Variants in TNR observed in about 807,000 individuals in gnomAD.
TNR encodes the protein tenascin R.
In TNR, 45 loss-of-function variants were observed where a neutral mutation model predicts 150.4. The observed-to-expected ratio is 0.30, with a 90% CI of 0.24 to 0.38. The LOEUF (loss-of-function observed/expected upper bound fraction) is 0.38, where lower values mean the gene tolerates loss of function less well. TNR is among the 10% of genes least tolerant of loss of function. The pLI is 1.00. For synonymous variants in TNR, 687 were observed against 678.4 expected, an observed-to-expected ratio of 1.01 and a Z score of -0.20; for missense variants, 1,544 against 1,759.1, an observed-to-expected ratio of 0.88 and a Z score of 2.19.
At chr1:175,428,764 C>T (rs957250831) in intron 2 of TNR, among the ~76,000 whole-genome samples, 4 of 152,254 alleles carry the variant, frequency 2.6e-5, no homozygotes, top group South Asian at 2.1e-4. Flanking sequence ...CTGTGCTGCA[C>T]GATTCTCATT....
At chr1:175,681,166 A>C (rs1381473210) in intron 1 of TNR, among the ~76,000 whole-genome samples, 1 of 152,196 alleles carries the variant, frequency 6.6e-6, no homozygotes, top group African/African-American at 2.4e-5. Flanking sequence ...TTTATTTACA[A>C]GTCTATTAAT....
At chr1:175,737,150 G>A (rs765303716) in intron 1 of TNR, among the ~76,000 whole-genome samples, 9 of 152,314 alleles carry the variant, frequency 5.9e-5, no homozygotes, top group Admixed American at 1.3e-4. Flanking sequence ...GGGCAAGCAC[G>A]TTAGCCTCTC....
In TNR at chr1:175,406,648, C is replaced by T; in HGVS notation, c.67G>A (p.Gly23Ser). The change falls in exon 3 of 23, where the codon GGC (glycine) becomes AGC (serine). Residue 23 changes from glycine to serine, a missense_variant. Gly to Ser is a moderately conservative substitution (Grantham distance 56). Coordinates refer to ENST00000367674, the MANE Select transcript of TNR (RefSeq NM_003285.3). Reference sequence around the variant, plus strand: ...CACTCTGAAGGCTTGATCATGGAGCCCAGAAGGATCAGGTTGATGCCAATG... The same window carrying T: ...CACTCTGAAGGCTTGATCATGGAGCTCAGAAGGATCAGGTTGATGCCAATG... Reference protein sequence around the residue: ...MLIGINLILLGSMIKPSECQL... With the variant: ...MLIGINLILLSSMIKPSECQL... 1 of 1,614,208 alleles carries T rather than the reference C, an allele frequency of 6.2e-7. No homozygotes were observed. Among genetic ancestry groups the T allele is most frequent in the Admixed American group, 1.7e-5 (1 of 60,024 alleles).
intron 2 of TNR, among the ~76,000 whole-genome samples, chr1:175,461,835 C>A (rs1656832357): frequency 6.6e-6 from 1 of 152,040 alleles, no homozygotes; most frequent in Non-Finnish European, 1.5e-5. Context: ...TTGTCCTTGC[C>A]TTTGCTTTTT....
rs1399230280 is a variant in TNR, at chr1:175,316,835, GT to G, written c.*6521del. The G allele has an allele frequency of 6.6e-6, 1 of 152,162 alleles. No homozygotes were observed. Among genetic ancestry groups the G allele is most frequent in the South Asian group, 2.1e-4 (1 of 4,828 alleles). 9.4% of individuals were successfully genotyped at this position (152,162 alleles called of 1,614,324 possible). On this transcript the variant is annotated 3_prime_UTR_variant, in exon 23 of 23. Transcript: ENST00000367674. ...ATTCCCCATGATGATGAGATTGAGG[GT>G]CCCCTGGAGTACATGGCAAAAATAA...
chr1:175,513,068 G>T (rs191067459), intron 2 of TNR, among the ~76,000 whole-genome samples: 145 of 152,304 alleles, frequency 9.5e-4, no homozygotes, highest in African/African-American at 3.3e-3. Flanking sequence ...AAGGGTCCAG[G>T]AAACCACATT....
chr1:175,327,095 C>A (rs896344677), intron 21 of TNR, among the ~76,000 whole-genome samples: 1 of 152,038 alleles, frequency 6.6e-6, no homozygotes, highest in Non-Finnish European at 1.5e-5. Context: ...CTTGATTATG[C>A]GGTCTCCACC....
intron 3 of TNR, 136 bp downstream of exon 3, chr1:175,406,076 TGACC>T: frequency 1.7e-6 from 2 of 1,157,272 alleles, no homozygotes; most frequent in Admixed American, 2.7e-5. Flanking sequence ...TTTTTTCCTT[TGACC>T]GTGTGAAGAG....
intron 7 of TNR, among the ~76,000 whole-genome samples, chr1:175,390,126 A>G (rs901287390): frequency 2.0e-5 from 3 of 152,234 alleles, no homozygotes; most frequent in African/African-American, 7.2e-5. Flanking sequence ...AGCTACTGCC[A>G]CAATAGTTCT....
chr1:175,590,372 T>C (rs568792255), intron 1 of TNR, among the ~76,000 whole-genome samples: 9 of 152,336 alleles, frequency 5.9e-5, no homozygotes, highest in African/African-American at 1.9e-4. Context: ...GCATTAAATA[T>C]TATTTATTTT....
chr1:175,473,975 G>A (rs1364143760), intron 2 of TNR, among the ~76,000 whole-genome samples: 2 of 152,094 alleles, frequency 1.3e-5, no homozygotes, highest in African/African-American at 2.4e-5. Flanking sequence ...GCCGTTCTGT[G>A]GAAGCAAGGC....
intron 1 of TNR, among the ~76,000 whole-genome samples, chr1:175,566,764 G>A (rs1229912968): frequency 6.6e-6 from 1 of 152,172 alleles, no homozygotes; most frequent in Admixed American, 6.5e-5. Context: ...CCTCACTCCT[G>A]CCATCTATTC....
rs775114258 is a variant in TNR, at chr1:175,335,818, A to G, written c.3535-11T>C. The G allele has an allele frequency of 6.2e-7, 1 of 1,602,714 alleles. No individual in the cohort carries two copies. The highest frequency in any genetic ancestry group is 2.2e-5 in the East Asian group (1 of 44,848). On this transcript the variant is annotated splice_polypyrimidine_tract_variant and intron_variant, in intron 19 of 22. Coordinates refer to ENST00000367674, the MANE Select transcript of TNR (RefSeq NM_003285.3). The stretch of plus-strand genomic sequence containing the variant: ...CCGCCTCTGGAATACCTATGAAGGA[A>G]ATAAAAAAACAAAAAACAAACAAAC...
In TNR at chr1:175,335,621, T is replaced by C. The variant is rs925444269; in HGVS notation, c.3631+90A>G. The C allele has an allele frequency of 3.1e-6, 4 of 1,293,718 alleles. No individual in the cohort carries two copies. In the African/African-American group the frequency reaches 5.9e-5, roughly 19 times the overall value. The allele number at this position is 1,293,718 out of a possible 1,614,324, so 80.1% of individuals were successfully genotyped here. A position where few individuals can be genotyped will look rare whatever the true frequency, so the allele number is the denominator to read the frequency against. ...TGTTAGCTTCTCAACAAACACAGGG[T>C]TTCTGATAATCTCAGATGGACACAA... On this transcript the variant is annotated intron_variant, in intron 20 of 22. Coordinates refer to ENST00000367674, the MANE Select transcript of TNR (RefSeq NM_003285.3).
At chr1:175,427,219 G>T (rs189833276) in intron 2 of TNR, among the ~76,000 whole-genome samples, 15 of 150,802 alleles carry the variant, frequency 9.9e-5, no homozygotes, top group Non-Finnish European at 1.6e-4. Flanking sequence ...AAAAATCATT[G>T]CTCCAGAGCA....
chr1:175,664,422 G>A (rs1047003938), intron 1 of TNR, among the ~76,000 whole-genome samples: 20 of 152,190 alleles, frequency 1.3e-4, no homozygotes, highest in African/African-American at 4.8e-4. Context: ...AGTAAAGGAA[G>A]GAGTGAGGTA....
At position 175,544,781 on chromosome 1, in the gene TNR, T is replaced by G. The variant is rs114648021; in HGVS notation, c.-164-16412A>C. Among the ~76,000 whole-genome samples, 1,450 of 152,318 alleles carry G rather than the reference T, an allele frequency of 9.5e-3. 18 individuals carry two copies. The highest frequency in any genetic ancestry group is 0.033 in the African/African-American group (1,355 of 41,578). On this transcript the variant is annotated intron_variant, in intron 1 of 22. Transcript: ENST00000367674. ...AGAAGGAGAACCAGTGTGGTATTAT[T>G]TTTTCCCTATCATTGGCTGTTTTTC...
intron 2 of TNR, among the ~76,000 whole-genome samples, chr1:175,431,700 G>A (rs1655270585): frequency 6.6e-6 from 1 of 150,572 alleles, no homozygotes; most frequent in African/African-American, 2.5e-5. Flanking sequence ...ATGCTTTCCA[G>A]CACAGTCACA....
intron 1 of TNR, among the ~76,000 whole-genome samples, chr1:175,640,887 C>T (rs1180373669): frequency 6.6e-6 from 1 of 151,642 alleles, no homozygotes. Flanking sequence ...ATGTGTAACC[C>T]CTGTCCTACC....
Sources: gnomAD v4.1 joint callset for allele counts (sites outside exome capture counted in the v4.1 genomes callset) on GRCh38, gnomAD v4.1.1 for gene constraint, MANE v1.5 for transcripts, NCBI Gene and HGNC (gene_info 2026-07-23, HGNC 2026-07-21) for gene names.